PDE4B: variants seen among roughly 807,000 people sequenced by gnomAD.
The protein encoded by PDE4B is 3',5'-cyclic-AMP phosphodiesterase 4B.
A neutral mutation model predicts 82.2 loss-of-function variants in PDE4B; 20 were observed. The observed-to-expected ratio is 0.24, with a 90% CI of 0.17 to 0.35. PDE4B has a LOEUF of 0.35. PDE4B is among the 10% of genes least tolerant of loss of function. The pLI, the probability that PDE4B is intolerant of heterozygous loss-of-function variation, is 1.00. For missense variants in PDE4B, 655 were observed against 907.2 expected (o/e 0.72, Z 3.57); for synonymous variants, 320 against 318.9 (o/e 1.00, Z -0.04).
chr1:66,220,654 A>G (rs557320714), intron 3 of PDE4B, among the ~76,000 whole-genome samples: 158 of 152,234 alleles, frequency 1.0e-3, no homozygotes, highest in African/African-American at 3.7e-3. Context: ...TCACATTCTT[A>G]AACGTTTTTC....
At chr1:66,353,695 G>A (rs1386846030) in intron 8 of PDE4B, among the ~76,000 whole-genome samples, 1 of 152,180 alleles carries the variant, frequency 6.6e-6, no homozygotes, top group Admixed American at 6.6e-5. Context: ...ACGCTGACAA[G>A]GAGAAGGGAG....
chr1:66,103,986 G>A (rs1645281402), intron 3 of PDE4B, among the ~76,000 whole-genome samples: 1 of 151,844 alleles, frequency 6.6e-6, no homozygotes, highest in South Asian at 2.1e-4. Flanking sequence ...TGTGCACAAT[G>A]TGCAGGTTAG....
chr1:66,162,056 G>C (rs746613068), intron 3 of PDE4B, among the ~76,000 whole-genome samples: 94 of 151,868 alleles, frequency 6.2e-4, no homozygotes, highest in Admixed American at 1.5e-3. Flanking sequence ...ACTGAATGGT[G>C]CTAGTTTTAA....
chr1:65,836,212 G>T (rs1646137839), intron 1 of PDE4B, among the ~76,000 whole-genome samples: 1 of 152,152 alleles, frequency 6.6e-6, no homozygotes. Context: ...ATGGTGCTGG[G>T]ATTACAGGCG....
intron 3 of PDE4B, among the ~76,000 whole-genome samples, chr1:65,919,191 A>G (rs1442930212): frequency 2.0e-5 from 3 of 152,242 alleles, no homozygotes; most frequent in Middle Eastern, 3.2e-3. Context: ...ACATGTTACT[A>G]TATGTATATG....
At chr1:65,840,102 A>G (rs1646189745) in intron 1 of PDE4B, among the ~76,000 whole-genome samples, 1 of 152,202 alleles carries the variant, frequency 6.6e-6, no homozygotes, top group African/African-American at 2.4e-5. Context: ...AATTTCATAG[A>G]AAACTATATT....
intron 3 of PDE4B, among the ~76,000 whole-genome samples, chr1:66,175,613 C>A (rs1374749991): frequency 6.6e-6 from 1 of 151,978 alleles, no homozygotes; most frequent in Non-Finnish European, 1.5e-5. Flanking sequence ...CTTTTTTGGG[C>A]ACCGTGGACA....
At chr1:66,224,864 A>G (rs1185612719) in intron 3 of PDE4B, among the ~76,000 whole-genome samples, 1 of 152,196 alleles carries the variant, frequency 6.6e-6, no homozygotes, top group African/African-American at 2.4e-5. Flanking sequence ...CAGAACAACT[A>G]TTTTATGTCA....
chr1:66,294,427 A>G (rs565427222), intron 7 of PDE4B, among the ~76,000 whole-genome samples: 5 of 152,262 alleles, frequency 3.3e-5, no homozygotes, highest in African/African-American at 1.2e-4. Flanking sequence ...TTCTACTGAT[A>G]TTGGCCATCA....
At chr1:66,358,807 C>T (rs1662515713) in intron 9 of PDE4B, among the ~76,000 whole-genome samples, 1 of 151,852 alleles carries the variant, frequency 6.6e-6, no homozygotes, top group Admixed American at 6.6e-5. Context: ...AGCAATATTT[C>T]AATAAAAGCC....
chr1:66,233,328 C>T (rs912601365), intron 3 of PDE4B, among the ~76,000 whole-genome samples: 4 of 152,138 alleles, frequency 2.6e-5, no homozygotes, highest in African/African-American at 9.7e-5. Context: ...TTATTTATTG[C>T]TAAGTGGTAT....
Position 65,913,240 on chromosome 1 carries a change from T to C in PDE4B, c.-70-5T>C. On this transcript the variant is annotated splice_region_variant and splice_polypyrimidine_tract_variant and intron_variant, in intron 1 of 16. Transcript: ENST00000341517. ...TTCTTTTTTGTGTGTTTTTTTCTCCTGTAGGTATTAAAAAGTGTCAGCAAA... is the reference window on the plus strand; with the variant it reads ...TTCTTTTTTGTGTGTTTTTTTCTCCCGTAGGTATTAAAAAGTGTCAGCAAA... The C allele has an allele frequency of 7.9e-7, 1 of 1,273,416 alleles. No individual in the cohort carries two copies. Among genetic ancestry groups the C allele is most frequent in the Non-Finnish European group, 1.1e-6 (1 of 871,050 alleles). 78.9% of individuals were successfully genotyped at this position (1,273,416 alleles called of 1,614,324 possible). A position where few individuals can be genotyped will look rare whatever the true frequency, so the allele number is the denominator to read the frequency against.
rs576125499 is a variant in PDE4B at position 66,065,449 on chromosome 1, G to A, written c.281+146614G>A. Among the ~76,000 whole-genome samples, 5 of 151,876 alleles carry A rather than the reference G, an allele frequency of 3.3e-5. No homozygotes were observed. In the South Asian group the frequency reaches 1.0e-3, roughly 31 times the overall value. ...TGGTTGGGAAATAGCTTATGATCTA[G>A]AATTGATAACCAAAGGCAAGCAAAA... On this transcript the variant is annotated intron_variant, in intron 3 of 16. Transcript: ENST00000341517.
At chr1:66,234,253 G>A (rs184312742) in intron 3 of PDE4B, among the ~76,000 whole-genome samples, 10 of 152,164 alleles carry the variant, frequency 6.6e-5, no homozygotes, top group African/African-American at 2.2e-4. Context: ...CAAGGAATTC[G>A]TCCACTTCAT....
intron 6 of PDE4B, among the ~76,000 whole-genome samples, chr1:66,264,667 G>A (rs1007664642): frequency 1.3e-5 from 2 of 152,180 alleles, no homozygotes; most frequent in East Asian, 1.9e-4. Context: ...TATAGACTAC[G>A]GCTACTAGGT....
At chr1:65,933,511 A>G (rs1647954078) in intron 3 of PDE4B, among the ~76,000 whole-genome samples, 3 of 152,066 alleles carry the variant, frequency 2.0e-5, no homozygotes, top group Admixed American at 2.0e-4. Context: ...TGGCCAATAT[A>G]GTGAAACCCC....
chr1:66,022,595 A>G (rs957976521), intron 3 of PDE4B, among the ~76,000 whole-genome samples: 2 of 152,092 alleles, frequency 1.3e-5, no homozygotes, highest in East Asian at 3.9e-4. Context: ...TTCTATTTAT[A>G]TGCTGGATTA....
At chr1:66,208,285 T>G (rs902874816) in intron 3 of PDE4B, among the ~76,000 whole-genome samples, 1 of 152,172 alleles carries the variant, frequency 6.6e-6, no homozygotes, top group Non-Finnish European at 1.5e-5. Flanking sequence ...GCTTTTATTT[T>G]CCCTCCAACC....
At chr1:66,318,821 A>G (rs1309941139) in intron 7 of PDE4B, among the ~76,000 whole-genome samples, 3 of 152,232 alleles carry the variant, frequency 2.0e-5, no homozygotes, top group East Asian at 1.9e-4. Flanking sequence ...TTCAGCATGT[A>G]TGTTACACTT....
Sources: gnomAD v4.1 joint callset for allele counts (sites outside exome capture counted in the v4.1 genomes callset) on GRCh38, gnomAD v4.1.1 for gene constraint, MANE v1.5 for transcripts, NCBI Gene and HGNC (gene_info 2026-07-23, HGNC 2026-07-21) for gene names.